The following TULP4 variants were observed in gnomAD, a reference collection of about 807,000 sequenced individuals.
TULP4 encodes the protein TUB like protein 4, also known as tubby-related protein 4.
Under a neutral mutation model 129.0 loss-of-function variants are expected in TULP4, and 16 were observed. That is an observed-to-expected ratio of 0.12 (90% CI 0.08 to 0.19). TULP4 has a LOEUF of 0.19. TULP4 is among the 10% of genes least tolerant of loss of function. The pLI, the probability that TULP4 is intolerant of heterozygous loss-of-function variation, is 1.00. For synonymous variants in TULP4, 998 were observed against 854.0 expected (o/e 1.17, Z -2.94); for missense variants, 1,842 against 2,059.1 (o/e 0.89, Z 2.04).
chr6:158,331,732 CGT>C (rs1562523201), intron 1 of TULP4, among the ~76,000 whole-genome samples: 1 of 7,782 alleles, frequency 1.3e-4, no homozygotes, highest in Non-Finnish European at 2.6e-4. Flanking sequence ...CACACACATA[CGT>C]ATATATATAC....
intron 1 of TULP4, among the ~76,000 whole-genome samples, chr6:158,246,023 GGTGTGTGT>G (rs66690741): frequency 0.17 from 24,471 of 145,810 alleles, 2,321 homozygotes; most frequent in Middle Eastern, 0.23. Flanking sequence ...ACCCCTTAGG[GGTGTGTGT>G]GTGTGTGTGT....
intron 1 of TULP4, among the ~76,000 whole-genome samples, chr6:158,254,440 G>C (rs1311016337): frequency 6.6e-6 from 1 of 152,106 alleles, no homozygotes; most frequent in African/African-American, 2.4e-5. Context: ...ACCACACCCA[G>C]CCCAGAAACA....
intron 1 of TULP4, among the ~76,000 whole-genome samples, chr6:158,284,730 A>G (rs1266622399): frequency 6.6e-6 from 1 of 152,216 alleles, no homozygotes; most frequent in Non-Finnish European, 1.5e-5. Context: ...CTCTCAGTCA[A>G]TGCTAGAAAA....
At chr6:158,309,050 C>T (rs1300213935), upstream of TULP4, among the ~76,000 whole-genome samples, 8 of 139,942 alleles carry the variant, frequency 5.7e-5, no homozygotes, top group African/African-American at 7.9e-5. Flanking sequence ...ACCTCCCTCC[C>T]GGACGGGGTG....
Position 158,501,922 on chromosome 6 carries a change from T to C in TULP4, c.2259T>C (p.Pro753=), listed in dbSNP as rs1034211264. The change falls in exon 13 of 14, where the codon CCT becomes CCC. Residue 753 remains proline (P), a synonymous_variant. Transcript: ENST00000367097. ...QYPVSNRYSN[P]GQVIFGSVEM... The stretch of plus-strand genomic sequence containing the variant: ...CAGTCTCCAACCGGTACTCCAATCC[T>C]GGACAGGTGATTTTCGGAAGCGTGG... 2 of 1,614,020 alleles carry C rather than the reference T, an allele frequency of 1.2e-6. No homozygotes were observed. Among genetic ancestry groups the C allele is most frequent in the Non-Finnish European group, 1.7e-6 (2 of 1,179,974 alleles).
chr6:158,449,224 A>AAGTAGGGCCAATGAGTACCTT, intron 4 of TULP4, 48 bp downstream of exon 4: 2 of 1,570,778 alleles, frequency 1.3e-6, no homozygotes, highest in Admixed American at 1.7e-5. Flanking sequence ...AGGACAAGGA[A>AAGTAGGGCCAATGAGTACCTT]GGGCATCGGA....
intron 1 of TULP4, among the ~76,000 whole-genome samples, chr6:158,338,690 G>T (rs1780102296): frequency 1.3e-5 from 2 of 152,214 alleles, no homozygotes; most frequent in Non-Finnish European, 2.9e-5. Flanking sequence ...CAGGTTGGAA[G>T]GTAAACTTGG....
rs1777712324 is a variant in TULP4, at chr6:158,236,795, C to CTTTCTTTTTTTTTTTTTTTTTT, written n.68+4495_68+4496insCTTTTTTTTTTTTTTTTTTTTT. 3.2e-5 allele frequency among the ~76,000 whole-genome samples: 2 copies of CTTTCTTTTTTTTTTTTTTTTTT among 63,292 alleles called. 1 individual carries two copies. Among genetic ancestry groups the CTTTCTTTTTTTTTTTTTTTTTT allele is most frequent in the Non-Finnish European group, 6.2e-5 (2 of 32,240 alleles). The allele number at this position is 63,292 out of a possible 152,430, so 41.5% of individuals were successfully genotyped here. A position where few individuals can be genotyped will look rare whatever the true frequency, so the allele number is the denominator to read the frequency against. On this transcript the variant is annotated intron_variant and non_coding_transcript_variant, in intron 1 of 1. Coordinates refer to the TULP4 transcript ENST00000620026. ...AGATGGGTAAATGCCCAATTCTTTT[C>CTTTCTTTTTTTTTTTTTTTTTT]TTTTTTTTTTTTTTTTTTTTTTTTT...
In TULP4 at chr6:158,479,963, C is replaced by A. The variant is rs1320273073; in HGVS notation, c.1239C>A (p.Ile413=). Reference sequence around the variant, plus strand: ...GCTCCTACCTCTCCACTGCCTTCATCCCCACCATCAAGGTAAAGCCCTCCA... The same window carrying A: ...GCTCCTACCTCTCCACTGCCTTCATACCCACCATCAAGGTAAAGCCCTCCA... The part of the protein sequence containing the change: ...RLCSYLSTAF[I]PTIKPPIPDP... The change falls in exon 7 of 14, where the codon ATC becomes ATA. Residue 413 remains isoleucine (I), a synonymous_variant. Coordinates refer to ENST00000367097, the MANE Select transcript of TULP4 (RefSeq NM_020245.5). 1 of 1,606,032 alleles carries A rather than the reference C, an allele frequency of 6.2e-7. No individual in the cohort carries two copies. Among genetic ancestry groups the A allele is most frequent in the African/African-American group, 1.3e-5 (1 of 74,996 alleles).
At chr6:158,287,813 G>C (rs1159041427) in intron 1 of TULP4, among the ~76,000 whole-genome samples, 1 of 152,190 alleles carries the variant, frequency 6.6e-6, no homozygotes, top group Non-Finnish European at 1.5e-5. Context: ...GAGGACCCTG[G>C]TGGAAGACAA....
chr6:158,396,742 C>T (rs1777727604), intron 1 of TULP4, among the ~76,000 whole-genome samples: 1 of 152,148 alleles, frequency 6.6e-6, no homozygotes, highest in South Asian at 2.1e-4. Flanking sequence ...GCTTTCTATA[C>T]AGATACATAC....
upstream of TULP4, among the ~76,000 whole-genome samples, chr6:158,278,234 C>T (rs1478614675): frequency 6.6e-6 from 1 of 152,128 alleles, no homozygotes; most frequent in East Asian, 1.9e-4. Flanking sequence ...TTTGAGACTG[C>T]TAAAGGTGTC....
intron 3 of TULP4, among the ~76,000 whole-genome samples, chr6:158,440,114 C>T (rs1778852203): frequency 6.6e-6 from 1 of 151,562 alleles, no homozygotes; most frequent in South Asian, 2.1e-4. Flanking sequence ...TCACTGGAGT[C>T]CAGGAGTTCA....
At chr6:158,411,773 C>T (rs907240266) in intron 1 of TULP4, among the ~76,000 whole-genome samples, 1 of 152,150 alleles carries the variant, frequency 6.6e-6, no homozygotes, top group Non-Finnish European at 1.5e-5. Flanking sequence ...GTGTCCATGG[C>T]ATCGCTTTGA....
chr6:158,447,065 A>G (rs1779064505), intron 3 of TULP4, among the ~76,000 whole-genome samples: 1 of 152,148 alleles, frequency 6.6e-6, no homozygotes, highest in Non-Finnish European at 1.5e-5. Flanking sequence ...ACACAATCCC[A>G]CAGTAAAGGG....
upstream of TULP4, among the ~76,000 whole-genome samples, chr6:158,278,948 T>G (rs1053136862): frequency 4.0e-5 from 6 of 149,518 alleles, no homozygotes; most frequent in Non-Finnish European, 5.9e-5. Context: ...TTTGTTTTTT[T>G]TTTTTTTTTG....
intron 1 of TULP4, among the ~76,000 whole-genome samples, chr6:158,380,294 T>C (rs192442659): frequency 6.6e-6 from 1 of 152,328 alleles, no homozygotes; most frequent in African/African-American, 2.4e-5. Flanking sequence ...ATCCAAACTG[T>C]ACAGTTCCCT....
chr6:158,237,009 C>T (rs2128441725), intron 1 of TULP4, among the ~76,000 whole-genome samples: 1 of 151,806 alleles, frequency 6.6e-6, no homozygotes, highest in East Asian at 1.9e-4. Context: ...CAGGGTTTCA[C>T]TGTGTTGGCC....
chr6:158,397,451 C>A (rs1321453363), intron 1 of TULP4, among the ~76,000 whole-genome samples: 1 of 152,190 alleles, frequency 6.6e-6, no homozygotes, highest in African/African-American at 2.4e-5. Context: ...GCAAGTCTGT[C>A]CAACCTGTGG....
Sources: allele counts gnomAD v4.1 joint callset (sites outside exome capture counted in the v4.1 genomes callset), GRCh38; gene constraint gnomAD v4.1.1; transcripts MANE v1.5; gene names NCBI Gene and HGNC (gene_info 2026-07-23, HGNC 2026-07-21).